Variants in RBPMS observed in about 807,000 individuals in gnomAD.
RBPMS encodes RNA binding protein, mRNA processing factor.
A neutral mutation model predicts 26.8 loss-of-function variants in RBPMS; 7 were observed. The ratio of observed to expected loss-of-function variants is 0.26; its 90% CI spans 0.15 to 0.49. The LOEUF is 0.49. Among genes scored for constraint, RBPMS ranks in the 20% least tolerant of loss-of-function variants. RBPMS has a pLI of 0.98. For missense variants in RBPMS, 186 were observed against 250.0 expected (o/e 0.74, Z 1.73); for synonymous variants, 96 against 93.3 (o/e 1.03, Z -0.17).
chr8:30,426,832 A>G (rs908536723), intron 1 of RBPMS, among the ~76,000 whole-genome samples: 3 of 150,506 alleles, frequency 2.0e-5, no homozygotes, highest in African/African-American at 7.5e-5. Flanking sequence ...GCCTGTGGGC[A>G]TCCTCCCCAG....
intron 1 of RBPMS, among the ~76,000 whole-genome samples, chr8:30,429,497 A>G (rs1811701676): frequency 1.3e-5 from 2 of 152,210 alleles, no homozygotes; most frequent in Non-Finnish European, 2.9e-5. Flanking sequence ...AGAAGCCTCA[A>G]CCACCCCATC....
intron 5 of RBPMS, among the ~76,000 whole-genome samples, chr8:30,510,159 T>C (rs1379162091): frequency 6.6e-6 from 1 of 152,146 alleles, no homozygotes; most frequent in African/African-American, 2.4e-5. Flanking sequence ...TGTGTATTCA[T>C]ATGGCACAGA....
At chr8:30,416,051 T>C (rs1810033077) in intron 1 of RBPMS, among the ~76,000 whole-genome samples, 1 of 152,186 alleles carries the variant, frequency 6.6e-6, no homozygotes. Flanking sequence ...AGCCAGGATG[T>C]AGAGTGTTGT....
intron 5 of RBPMS, among the ~76,000 whole-genome samples, chr8:30,523,374 C>T (rs1192221991): frequency 6.9e-6 from 1 of 144,398 alleles, no homozygotes; most frequent in Admixed American, 7.0e-5. Flanking sequence ...GAAACTGTGT[C>T]TCAAAAAAAA....
intron 1 of RBPMS, among the ~76,000 whole-genome samples, chr8:30,385,693 C>G (rs1806977243): frequency 6.6e-6 from 1 of 152,138 alleles, no homozygotes; most frequent in Non-Finnish European, 1.5e-5. Flanking sequence ...TTCTTCTCTG[C>G]TGAGTCAAAG....
intron 5 of RBPMS, among the ~76,000 whole-genome samples, chr8:30,532,647 A>G (rs1377800331): frequency 6.6e-6 from 1 of 152,128 alleles, no homozygotes; most frequent in Non-Finnish European, 1.5e-5. Context: ...TCACCACCAT[A>G]CGCATACATT....
At chr8:30,466,232 T>C (rs1816478571) in intron 1 of RBPMS, among the ~76,000 whole-genome samples, 1 of 152,198 alleles carries the variant, frequency 6.6e-6, no homozygotes, top group African/African-American at 2.4e-5. Flanking sequence ...CTTTTTCTTT[T>C]AGAAAGGAAA....
At chr8:30,434,188 G>C (rs2979472) in intron 1 of RBPMS, among the ~76,000 whole-genome samples, 122,373 of 152,016 alleles carry the variant, frequency 0.81, 49,639 homozygotes, top group African/African-American at 0.91. Flanking sequence ...TCCTTCTAAG[G>C]TATAAAATGA....
chr8:30,557,109 C>T (rs1403315435), intron 6 of RBPMS, among the ~76,000 whole-genome samples: 1 of 152,198 alleles, frequency 6.6e-6, no homozygotes, highest in African/African-American at 2.4e-5. Flanking sequence ...GGGGACCCTG[C>T]TCTAGCTGGT....
chr8:30,568,547 G>A (rs1158047141), intron 8 of RBPMS, among the ~76,000 whole-genome samples: 1 of 152,172 alleles, frequency 6.6e-6, no homozygotes, highest in Non-Finnish European at 1.5e-5. Context: ...TCTTCAAACT[G>A]GGACTGTTCC....
rs144166976 is a variant in RBPMS at position 30,544,640 on chromosome 8, C to T, written c.528+16C>T. 1,075 of 1,613,536 alleles carry T rather than the reference C, an allele frequency of 6.7e-4. 13 individuals carry two copies. The African/African-American group carries it at 0.012, about 19-fold the overall frequency. ...GCATGCCCAGGTAATTGATACCCAT[C>T]GGCCAGGACTTCACTCACTTCACCA... On this transcript the variant is annotated intron_variant, in intron 6 of 8. Transcript: ENST00000397323.
chr8:30,540,921 G>A (rs907111257), intron 5 of RBPMS, among the ~76,000 whole-genome samples: 3 of 152,236 alleles, frequency 2.0e-5, no homozygotes, highest in Non-Finnish European at 4.4e-5. Context: ...GGGCAGCTGA[G>A]TGGAAGGTAG....
At chr8:30,545,181 G>C (rs943856123) in intron 6 of RBPMS, 44 of 1,296,612 alleles carry the variant, frequency 3.4e-5, no homozygotes, top group Non-Finnish European at 4.3e-5. Flanking sequence ...TGTAGAAAAG[G>C]AGATACAAGA....
intron 2 of RBPMS, among the ~76,000 whole-genome samples, chr8:30,476,611 C>T (rs529480433): frequency 3.9e-5 from 6 of 152,232 alleles, no homozygotes; most frequent in Middle Eastern, 6.8e-3. Flanking sequence ...CCAGAAACCC[C>T]GACTAGAAAG....
intron 1 of RBPMS, among the ~76,000 whole-genome samples, chr8:30,469,945 C>T (rs1816901999): frequency 6.6e-6 from 1 of 152,130 alleles, no homozygotes; most frequent in Admixed American, 6.5e-5. Context: ...ATTTCACTGA[C>T]AGTAAGCTCC....
intron 1 of RBPMS, among the ~76,000 whole-genome samples, chr8:30,462,447 A>G (rs1343859364): frequency 6.6e-6 from 1 of 151,988 alleles, no homozygotes; most frequent in East Asian, 1.9e-4. Flanking sequence ...TTTTGGAGAC[A>G]GGGTCTTGCT....
At chr8:30,567,323 TGGGCGACCCACCTCCCACCACCCCA>T (rs1827965494) in intron 8 of RBPMS, among the ~76,000 whole-genome samples, 1 of 152,178 alleles carries the variant, frequency 6.6e-6, no homozygotes, top group South Asian at 2.1e-4. Flanking sequence ...TGTGCCACAC[TGGGCGACCCACCTCCCACCACCCCA>T]GAGAGCTTTC....
chr8:30,506,550 C>G (rs1821087668), intron 5 of RBPMS, among the ~76,000 whole-genome samples: 2 of 152,262 alleles, frequency 1.3e-5, no homozygotes, highest in Admixed American at 1.3e-4. Context: ...TACCTGGAAG[C>G]ATACGGCAAG....
intron 1 of RBPMS, among the ~76,000 whole-genome samples, chr8:30,473,413 A>G (rs1365995954): frequency 4.6e-5 from 7 of 152,184 alleles, no homozygotes; most frequent in Non-Finnish European, 8.8e-5. Context: ...TACACTTTGC[A>G]CTATATGTAT....
Sources: gnomAD v4.1 joint callset for allele counts (sites outside exome capture counted in the v4.1 genomes callset) on GRCh38, gnomAD v4.1.1 for gene constraint, MANE v1.5 for transcripts, NCBI Gene and HGNC (gene_info 2026-07-23, HGNC 2026-07-21) for gene names.